Variants in TRPM3 observed in about 807,000 individuals in gnomAD.
TRPM3 encodes the protein transient receptor potential cation channel subfamily M member 3, also known as long transient receptor potential channel 3.
A neutral mutation model predicts 181.2 loss-of-function variants in TRPM3; 77 were observed. The observed-to-expected ratio is 0.42, with a 90% CI of 0.35 to 0.51. The LOEUF (loss-of-function observed/expected upper bound fraction) is 0.51, where lower values mean the gene tolerates loss of function less well. Among genes scored for constraint, TRPM3 ranks in the 20% least tolerant of loss-of-function variants. The pLI is 0.01. For missense variants in TRPM3, 1,759 were observed against 2,196.7 expected (o/e 0.80, Z 3.98); for synonymous variants, 745 against 796.4 (o/e 0.94, Z 1.09).
intron 25 of TRPM3, among the ~76,000 whole-genome samples, chr9:70,538,802 G>T (rs908868316): frequency 2.6e-5 from 4 of 152,140 alleles, no homozygotes; most frequent in Admixed American, 2.6e-4. Context: ...GTCAACAAAT[G>T]GGTCAATGAC....
chr9:71,053,936 G>T (rs1289625705), intron 1 of TRPM3, among the ~76,000 whole-genome samples: 2 of 152,084 alleles, frequency 1.3e-5, no homozygotes, highest in African/African-American at 4.8e-5. Context: ...CAATGTAAAA[G>T]GTAACTTGTA....
chr9:70,586,273 A>G (rs980512046), intron 22 of TRPM3, among the ~76,000 whole-genome samples: 3 of 152,222 alleles, frequency 2.0e-5, no homozygotes, highest in African/African-American at 7.2e-5. Context: ...CAGTACAAAC[A>G]AAATAAATAT....
chr9:71,004,510 G>T (rs929015266), intron 1 of TRPM3, among the ~76,000 whole-genome samples: 4 of 152,200 alleles, frequency 2.6e-5, no homozygotes, highest in Non-Finnish European at 2.9e-5. Flanking sequence ...GCAAAAGCTG[G>T]AACAGGCAAA....
intron 1 of TRPM3, among the ~76,000 whole-genome samples, chr9:71,259,354 T>C (rs766336313): frequency 1.3e-5 from 2 of 152,216 alleles, no homozygotes; most frequent in Non-Finnish European, 2.9e-5. Context: ...TCAATAAACA[T>C]ACATGTACAT....
intron 1 of TRPM3, among the ~76,000 whole-genome samples, chr9:71,272,137 T>C (rs1304207052): frequency 6.6e-6 from 1 of 152,174 alleles, no homozygotes; most frequent in Non-Finnish European, 1.5e-5. Flanking sequence ...TGAGAGAGCA[T>C]CATTTTCAGT....
At chr9:70,934,596 A>G (rs2096807287) in intron 1 of TRPM3, among the ~76,000 whole-genome samples, 1 of 152,216 alleles carries the variant, frequency 6.6e-6, no homozygotes, top group Admixed American at 6.5e-5. Flanking sequence ...GGAACAAAAT[A>G]TGATCTTACA....
At chr9:71,107,538 C>T (rs1299490252) in intron 1 of TRPM3, among the ~76,000 whole-genome samples, 3 of 152,104 alleles carry the variant, frequency 2.0e-5, no homozygotes, top group South Asian at 2.1e-4. Flanking sequence ...CTGTTCTTTT[C>T]GTCTTTGAAT....
At chr9:70,696,876 C>T (rs7860003) in intron 8 of TRPM3, among the ~76,000 whole-genome samples, 54,725 of 152,020 alleles carry the variant, frequency 0.36, 10,437 homozygotes, top group African/African-American at 0.47. Flanking sequence ...AGGTGCTGGG[C>T]GCTGTTCTTC....
chr9:70,822,690 A>G (rs2093274480), intron 6 of TRPM3, among the ~76,000 whole-genome samples: 1 of 152,168 alleles, frequency 6.6e-6, no homozygotes, highest in African/African-American at 2.4e-5. Context: ...ACACTTAAAA[A>G]TCATTAAAAT....
intron 15 of TRPM3, 135 bp from the exon 16 acceptor site, chr9:70,620,500 A>G (rs2063464007): frequency 1.0e-6 from 1 of 953,168 alleles, no homozygotes; most frequent in Admixed American, 2.3e-5. Context: ...CTGTCCTAAA[A>G]GAACTCACAA....
chr9:70,772,580 C>T (rs1428687244), intron 7 of TRPM3, among the ~76,000 whole-genome samples: 1 of 152,172 alleles, frequency 6.6e-6, no homozygotes, highest in Non-Finnish European at 1.5e-5. Context: ...GCCTCGGCAT[C>T]CCGATGTGCT....
chr9:70,820,784 G>A (rs569382548), intron 6 of TRPM3, among the ~76,000 whole-genome samples: 1 of 152,218 alleles, frequency 6.6e-6, no homozygotes, highest in Admixed American at 6.5e-5. Flanking sequence ...CTAGCTTACA[G>A]ATGGAGAAAT....
At chr9:71,436,283 CTT>C (rs371953373) in intron 1 of TRPM3, among the ~76,000 whole-genome samples, 1 of 136,418 alleles carries the variant, frequency 7.3e-6, no homozygotes, top group African/African-American at 2.7e-5. Context: ...TTAAACCTCT[CTT>C]TTTTTTTTCT....
chr9:70,908,239 T>C (rs570220725), intron 1 of TRPM3, among the ~76,000 whole-genome samples: 13 of 152,346 alleles, frequency 8.5e-5, no homozygotes, highest in African/African-American at 2.9e-4. Context: ...AGTGGTTCCA[T>C]ATTTGCTAAT....
chr9:70,549,496 C>G (rs1185638161), intron 25 of TRPM3, 46 bp downstream of exon 25: 2 of 1,573,252 alleles, frequency 1.3e-6, no homozygotes, highest in East Asian at 4.5e-5. Flanking sequence ...ATAAAGCATG[C>G]CTTGGCACAA....
At chr9:71,214,732 A>G (rs1470477164) in intron 1 of TRPM3, among the ~76,000 whole-genome samples, 3 of 152,152 alleles carry the variant, frequency 2.0e-5, no homozygotes, top group African/African-American at 7.2e-5. Flanking sequence ...CTGCATTCCA[A>G]CCACATGGGA....
At chr9:71,250,063 A>C (rs184706798) in intron 1 of TRPM3, among the ~76,000 whole-genome samples, 1 of 152,340 alleles carries the variant, frequency 6.6e-6, no homozygotes, top group African/African-American at 2.4e-5. Flanking sequence ...AATACACTCC[A>C]TTAACAATCT....
chr9:71,335,587 T>C (rs923146861), intron 1 of TRPM3, among the ~76,000 whole-genome samples: 8 of 152,124 alleles, frequency 5.3e-5, no homozygotes, highest in Non-Finnish European at 8.8e-5. Flanking sequence ...TATTTTTTCA[T>C]TTGAAATAAT....
intron 6 of TRPM3, among the ~76,000 whole-genome samples, chr9:70,814,646 T>C (rs1410129440): frequency 1.3e-5 from 2 of 152,196 alleles, no homozygotes; most frequent in African/African-American, 4.8e-5. Flanking sequence ...CCAGCCTCTC[T>C]TATGTTTCCT....
Sources: gnomAD v4.1 joint callset for allele counts (sites outside exome capture counted in the v4.1 genomes callset) on GRCh38, gnomAD v4.1.1 for gene constraint, MANE v1.5 for transcripts, NCBI Gene and HGNC (gene_info 2026-07-23, HGNC 2026-07-21) for gene names.